Variants in STXBP4 observed in about 807,000 individuals in gnomAD.
STXBP4 encodes the protein syntaxin binding protein 4, also known as syntaxin-binding protein 4.
Under a neutral mutation model 76.1 loss-of-function variants are expected in STXBP4, and 55 were observed. The ratio of observed to expected loss-of-function variants is 0.72; its 90% CI spans 0.58 to 0.91. STXBP4 has a LOEUF of 0.91. Ranked by LOEUF, STXBP4 falls within the 40% of genes least tolerant of loss-of-function variation. The pLI is 0.00. For missense variants in STXBP4, 618 were observed against 636.9 expected (o/e 0.97, Z 0.32); for synonymous variants, 201 against 220.2 (o/e 0.91, Z 0.77).
At chr17:55,152,783 T>A (rs1474690103) in intron 17 of STXBP4, among the ~76,000 whole-genome samples, 2 of 152,256 alleles carry the variant, frequency 1.3e-5, no homozygotes, top group East Asian at 3.9e-4. Context: ...AAGATGAGAT[T>A]TGGGTGGGTA....
the STXBP4 span, among the ~76,000 whole-genome samples, chr17:55,200,036 C>T: frequency 0.56 from 84,809 of 152,070 alleles, 24,524 homozygotes; most frequent in Non-Finnish European, 0.63. Flanking sequence ...TGTTGTAAAG[C>T]CTTTTTAAAT....
chr17:55,079,608 A>G (rs2144905008), intron 15 of STXBP4, among the ~76,000 whole-genome samples: 1 of 151,884 alleles, frequency 6.6e-6, no homozygotes, highest in African/African-American at 2.4e-5. Context: ...CAAAAAAAAA[A>G]AAAAAAAGAA....
intron 1 of STXBP4, among the ~76,000 whole-genome samples, chr17:54,981,534 A>G (rs2077551154): frequency 6.6e-6 from 1 of 152,152 alleles, no homozygotes; most frequent in Non-Finnish European, 1.5e-5. Flanking sequence ...TGGGAAAAAT[A>G]TGAGTTGGAT....
At chr17:55,186,117 CTTGTCT>C in the STXBP4 span, among the ~76,000 whole-genome samples, 1 of 152,232 alleles carries the variant, frequency 6.6e-6, no homozygotes, top group Non-Finnish European at 1.5e-5. Context: ...TATGCAATTA[CTTGTCT>C]ACAAACCCTC....
intron 11 of STXBP4, 53 bp from the exon 12 acceptor site, chr17:55,047,036 C>A: frequency 9.1e-7 from 1 of 1,093,780 alleles, no homozygotes; most frequent in Non-Finnish European, 1.4e-6. Context: ...TAAGAAGTCA[C>A]ACTTGTTAAT....
At chr17:55,212,275 G>A in the STXBP4 span, among the ~76,000 whole-genome samples, 10 of 152,322 alleles carry the variant, frequency 6.6e-5, no homozygotes, top group African/African-American at 2.4e-4. Context: ...GGGTCATGGT[G>A]TCATCATTCA....
chr17:55,011,508 C>CTTTTT (rs3080154), intron 8 of STXBP4, among the ~76,000 whole-genome samples: 17,407 of 84,888 alleles, frequency 0.21, 2,281 homozygotes, highest in Non-Finnish European at 0.24. Context: ...TTTTCTTTTT[C>CTTTTT]TTTTTTTTTT....
chr17:55,028,663 G>T (rs919338779), intron 8 of STXBP4, among the ~76,000 whole-genome samples: 1 of 152,110 alleles, frequency 6.6e-6, no homozygotes, highest in African/African-American at 2.4e-5. Flanking sequence ...AAAACCTCAT[G>T]TATGAAAATT....
intron 8 of STXBP4, among the ~76,000 whole-genome samples, chr17:55,028,271 T>A (rs1460196408): frequency 1.3e-5 from 2 of 152,046 alleles, no homozygotes; most frequent in African/African-American, 4.8e-5. Flanking sequence ...TTGTGTATAA[T>A]CTAAATGATT....
rs150886554 is a variant in STXBP4 at position 54,970,305 on chromosome 17, AGATATT to A, written c.-157+1494_-157+1499del. On this transcript the variant is annotated intron_variant, in intron 1 of 17. Coordinates refer to ENST00000376352, the MANE Select transcript of STXBP4 (RefSeq NM_178509.6). ...TGTGATCTGACTCACATTTTTGAAA[AGATATT>A]GATTACTTTGTGGAGAATGGATTAA... 6.9e-3 allele frequency among the ~76,000 whole-genome samples: 1,057 copies of A among 152,280 alleles called. 14 individuals carry two copies. The highest frequency in any genetic ancestry group is 0.024 in the African/African-American group (997 of 41,542).
At chr17:54,971,340 G>C (rs1406234611) in intron 1 of STXBP4, among the ~76,000 whole-genome samples, 1 of 152,182 alleles carries the variant, frequency 6.6e-6, no homozygotes, top group African/African-American at 2.4e-5. Context: ...GTTTCTCAAA[G>C]TGCTGAAGGC....
intron 16 of STXBP4, among the ~76,000 whole-genome samples, chr17:55,084,778 G>T (rs1347493289): frequency 6.6e-6 from 1 of 152,148 alleles, no homozygotes; most frequent in Non-Finnish European, 1.5e-5. Flanking sequence ...GTTTGTCAAA[G>T]ATCAGATAGT....
chr17:54,977,200 G>GA (rs1191337615), intron 1 of STXBP4, among the ~76,000 whole-genome samples: 2 of 151,866 alleles, frequency 1.3e-5, no homozygotes, highest in Non-Finnish European at 1.5e-5. Flanking sequence ...ATTCTTGAAA[G>GA]AAAAAAACAT....
intron 16 of STXBP4, among the ~76,000 whole-genome samples, chr17:55,086,894 G>A (rs958930955): frequency 1.3e-5 from 2 of 152,030 alleles, no homozygotes; most frequent in African/African-American, 4.8e-5. Context: ...GGTGTACAAG[G>A]GTTCCCTTTT....
At chr17:55,078,843 C>CG in intron 15 of STXBP4, 108 bp downstream of exon 15, 1 of 673,716 alleles carries the variant, frequency 1.5e-6, no homozygotes, top group Admixed American at 2.9e-5. Context: ...TAAGGTGCTA[C>CG]ATAACTCCCA....
chr17:55,183,963 C>A, the STXBP4 span, among the ~76,000 whole-genome samples: 3 of 152,064 alleles, frequency 2.0e-5, no homozygotes, highest in East Asian at 5.8e-4. Flanking sequence ...AAGTTATGGA[C>A]AATCTGAACA....
downstream of STXBP4, among the ~76,000 whole-genome samples, chr17:55,178,617 A>G (rs2080439268): frequency 6.6e-6 from 1 of 152,258 alleles, no homozygotes; most frequent in African/African-American, 2.4e-5. Context: ...AAGGAGATTT[A>G]TTGTAAGGAA....
At chr17:55,180,739 G>A in the STXBP4 span, among the ~76,000 whole-genome samples, 13 of 152,196 alleles carry the variant, frequency 8.5e-5, no homozygotes, top group Non-Finnish European at 1.9e-4. Flanking sequence ...ACAATAATGT[G>A]ATATGACAGA....
intron 12 of STXBP4, among the ~76,000 whole-genome samples, chr17:55,070,790 G>A (rs1013731009): frequency 1.3e-5 from 2 of 151,876 alleles, no homozygotes; most frequent in Non-Finnish European, 2.9e-5. Flanking sequence ...GTTTCACAGT[G>A]TGCCACATTT....
Sources: gnomAD v4.1 joint callset for allele counts (sites outside exome capture counted in the v4.1 genomes callset) on GRCh38, gnomAD v4.1.1 for gene constraint, MANE v1.5 for transcripts, NCBI Gene and HGNC (gene_info 2026-07-23, HGNC 2026-07-21) for gene names.